The following ESR1 variants were observed in gnomAD, a reference collection of about 807,000 sequenced individuals.
ESR1 encodes estrogen receptor.
A neutral mutation model predicts 52.7 loss-of-function variants in ESR1; 12 were observed. The ratio of observed to expected loss-of-function variants is 0.23; its 90% CI spans 0.15 to 0.37. The LOEUF (loss-of-function observed/expected upper bound fraction) is 0.37. ESR1 is among the 10% of genes least tolerant of loss of function. The pLI, the probability that ESR1 is intolerant of heterozygous loss-of-function variation, is 1.00. For synonymous variants in ESR1, 305 were observed against 316.8 expected (o/e 0.96, Z 0.39); for missense variants, 584 against 779.7 (o/e 0.75, Z 2.99).
At chr6:151,928,453 C>G (rs555341560) in intron 3 of ESR1, among the ~76,000 whole-genome samples, 37 of 152,224 alleles carry the variant, frequency 2.4e-4, no homozygotes, top group African/African-American at 8.7e-4. Flanking sequence ...ATTGCTAGCA[C>G]AGAAGATCTA....
chr6:151,906,351 G>C (rs1031481950), intron 3 of ESR1, among the ~76,000 whole-genome samples: 3 of 151,912 alleles, frequency 2.0e-5, no homozygotes, highest in Admixed American at 6.6e-5. Context: ...GGTTAATTTT[G>C]ACCTAGTTAA....
chr6:151,879,742 T>C (rs931536165), intron 2 of ESR1, among the ~76,000 whole-genome samples: 1 of 152,146 alleles, frequency 6.6e-6, no homozygotes, highest in Non-Finnish European at 1.5e-5. Context: ...TCCTCTAGAT[T>C]AGCGAGGAGG....
At chr6:152,121,478 A>T (rs2051368628) in intron 6 of ESR1, among the ~76,000 whole-genome samples, 2 of 152,232 alleles carry the variant, frequency 1.3e-5, no homozygotes, top group South Asian at 4.1e-4. Context: ...TTGATTGACT[A>T]TGGAAGGAAG....
intron 5 of ESR1, among the ~76,000 whole-genome samples, chr6:152,013,356 T>C (rs141267954): frequency 2.7e-3 from 412 of 152,278 alleles, no homozygotes; most frequent in Non-Finnish European, 4.8e-3. Flanking sequence ...TTTCCCTGCC[T>C]ACTGCCTGGA....
chr6:152,033,662 G>A (rs1354239801), intron 5 of ESR1, among the ~76,000 whole-genome samples: 1 of 152,226 alleles, frequency 6.6e-6, no homozygotes, highest in African/African-American at 2.4e-5. Flanking sequence ...TGGAGAGGAT[G>A]TGGAGAAATA....
In ESR1 at chr6:152,094,450, C is replaced by G. The variant is rs2050455302; in HGVS notation, c.1435C>G (p.Leu479Val). 6.2e-7 allele frequency: 1 copy of G among 1,614,058 alleles called. No individual in the cohort carries two copies. The highest frequency in any genetic ancestry group is 1.3e-5 in the African/African-American group (1 of 74,922). Reference protein sequence around the residue: ...LEEKDHIHRVLDKITDTLIHL... With the variant: ...LEEKDHIHRVVDKITDTLIHL... ...AGAGAAGGACCATATCCACCGAGTC[C>G]TGGACAAGATCACAGACACTTTGAT... is the stretch of plus-strand genomic sequence containing the variant. Residue 479 changes from leucine (L) to valine (V), a missense_variant, in exon 7 of 8, where the codon CTG becomes GTG. Transcript: ENST00000206249. This position sits in a 1 kb window ranked among gnomAD's most constrained non-coding sequence, Gnocchi z 4.6.
At chr6:151,869,271 G>A (rs187292558) in intron 2 of ESR1, among the ~76,000 whole-genome samples, 11 of 152,228 alleles carry the variant, frequency 7.2e-5, no homozygotes, top group East Asian at 3.9e-4. Flanking sequence ...GGAAATAATC[G>A]AACAGAGTGA....
intron 4 of ESR1, among the ~76,000 whole-genome samples, chr6:151,947,418 C>T (rs139681635): frequency 1.3e-5 from 2 of 152,254 alleles, no homozygotes; most frequent in East Asian, 1.9e-4. Context: ...GATACAAAAA[C>T]CCTCATGAAA....
At chr6:151,748,111 C>T (rs920815306) in intron 2 of ESR1, among the ~76,000 whole-genome samples, 9 of 152,140 alleles carry the variant, frequency 5.9e-5, no homozygotes, top group African/African-American at 2.2e-4. Flanking sequence ...TCCAATTTCC[C>T]TACACTGTCA....
upstream of ESR1, among the ~76,000 whole-genome samples, chr6:151,800,922 C>T (rs933334572): frequency 1.3e-5 from 2 of 151,950 alleles, no homozygotes; most frequent in Admixed American, 6.6e-5. Flanking sequence ...GTCACAAAAT[C>T]GGAAGAAAGA....
intron 6 of ESR1, among the ~76,000 whole-genome samples, chr6:152,118,581 C>T (rs1047665129): frequency 2.7e-5 from 4 of 145,710 alleles, no homozygotes; most frequent in African/African-American, 7.7e-5. Context: ...GGGAGCACCA[C>T]ACACTGGGGC....
intron 2 of ESR1, among the ~76,000 whole-genome samples, chr6:151,706,834 A>T (rs1241566654): frequency 6.6e-6 from 1 of 152,204 alleles, no homozygotes; most frequent in African/African-American, 2.4e-5. Flanking sequence ...GTAGAAGTAA[A>T]ATAAAAAAAC....
At chr6:151,750,551 A>C (rs1783825030) in intron 2 of ESR1, among the ~76,000 whole-genome samples, 1 of 152,194 alleles carries the variant, frequency 6.6e-6, no homozygotes, top group African/African-American at 2.4e-5. Context: ...CCAGGTGTCT[A>C]ATGAAAAATT....
intron 2 of ESR1, among the ~76,000 whole-genome samples, chr6:151,704,491 G>A (rs1780035117): frequency 6.6e-6 from 1 of 152,110 alleles, no homozygotes; most frequent in Non-Finnish European, 1.5e-5. Flanking sequence ...CTGACCTCAG[G>A]TGATCCACCC....
At chr6:152,047,956 ATTTTTTTTT>A (rs71017517) in intron 5 of ESR1, among the ~76,000 whole-genome samples, 97 of 67,778 alleles carry the variant, frequency 1.4e-3, no homozygotes, top group African/African-American at 5.4e-3. Flanking sequence ...CTCCTCAAGC[ATTTTTTTTT>A]TTTTTTTTTT....
At chr6:151,819,939 A>C (rs1780291498) in intron 1 of ESR1, among the ~76,000 whole-genome samples, 1 of 152,194 alleles carries the variant, frequency 6.6e-6, no homozygotes. Flanking sequence ...TTGATCATGT[A>C]CTGGCTTTGG....
chr6:152,022,178 C>T (rs1468022738), intron 5 of ESR1, among the ~76,000 whole-genome samples: 4 of 152,058 alleles, frequency 2.6e-5, no homozygotes, highest in Non-Finnish European at 5.9e-5. Context: ...TGGATTGAGC[C>T]ACCTTAGCCT....
chr6:151,696,961 A>C (rs546972761), intron 1 of ESR1, among the ~76,000 whole-genome samples: 1 of 152,290 alleles, frequency 6.6e-6, no homozygotes, highest in East Asian at 1.9e-4. Flanking sequence ...AATGAAAGGC[A>C]TGGGGGAGGT....
intron 6 of ESR1, among the ~76,000 whole-genome samples, chr6:152,109,878 A>G (rs1194577157): frequency 6.6e-6 from 1 of 152,224 alleles, no homozygotes; most frequent in Non-Finnish European, 1.5e-5. Flanking sequence ...ACACCTCTGC[A>G]TGGATCCATA....
Sources: allele counts gnomAD v4.1 joint callset (sites outside exome capture counted in the v4.1 genomes callset), GRCh38; gene constraint gnomAD v4.1.1; non-coding constraint Gnocchi (gnomAD v3.1); transcripts MANE v1.5; gene names NCBI Gene and HGNC (gene_info 2026-07-23, HGNC 2026-07-21).